The following MGAT4C variants were observed in gnomAD, a reference collection of about 807,000 sequenced individuals.
The protein encoded by MGAT4C is alpha-1,3-mannosyl-glycoprotein 4-beta-N-acetylglucosaminyltransferase C.
A neutral mutation model predicts 40.1 loss-of-function variants in MGAT4C; 19 were observed. That is an observed-to-expected ratio of 0.47 (90% CI 0.33 to 0.70). The LOEUF (loss-of-function observed/expected upper bound fraction) is 0.70. MGAT4C is among the 30% of genes least tolerant of loss of function. The pLI, the probability that MGAT4C is intolerant of heterozygous loss-of-function variation, is 0.02. For synonymous variants in MGAT4C, 181 were observed against 187.1 expected, an observed-to-expected ratio of 0.97 and a Z score of 0.27; for missense variants, 491 against 563.2, an observed-to-expected ratio of 0.87 and a Z score of 1.30.
At position 86,640,745 on chromosome 12, in the gene MGAT4C, T is replaced by C. The variant is rs1593070774; in HGVS notation, c.-229+86464A>G. 2.6e-5 allele frequency among the ~76,000 whole-genome samples: 4 copies of C among 152,140 alleles called. No homozygotes were observed. In the East Asian group the frequency reaches 7.8e-4, roughly 30 times the overall value. On this transcript the variant is annotated intron_variant, in intron 2 of 7. Transcript: ENST00000548651. ...GCTTTCTCTTGTGGGCATTCAGTGCTATAAATTTCCTTCTACACACTGCTT... is the reference window on the plus strand; with the variant it reads ...GCTTTCTCTTGTGGGCATTCAGTGCCATAAATTTCCTTCTACACACTGCTT...
At chr12:86,731,494 T>C (rs1392270283) in intron 1 of MGAT4C, among the ~76,000 whole-genome samples, 12 of 152,144 alleles carry the variant, frequency 7.9e-5, no homozygotes, top group Admixed American at 5.9e-4. Context: ...TGAATCATCT[T>C]AGTCTCTTTA....
At chr12:86,288,526 C>T (rs528023090) in intron 4 of MGAT4C, among the ~76,000 whole-genome samples, 10 of 152,040 alleles carry the variant, frequency 6.6e-5, no homozygotes, top group South Asian at 2.1e-4. Context: ...TTTTTGTATA[C>T]GGTGTAAGGA....
chr12:86,242,638 A>C (rs1951837893), intron 1 of MGAT4C, among the ~76,000 whole-genome samples: 1 of 152,126 alleles, frequency 6.6e-6, no homozygotes, highest in Non-Finnish European at 1.5e-5. Flanking sequence ...AGTACTTTAG[A>C]GTAGAAAAAA....
intron 3 of MGAT4C, among the ~76,000 whole-genome samples, chr12:86,413,155 T>C (rs1357496206): frequency 6.6e-6 from 1 of 152,122 alleles, no homozygotes; most frequent in Non-Finnish European, 1.5e-5. Flanking sequence ...GACTTTTGTA[T>C]ACTGAAAAAC....
chr12:86,073,422 C>CT (rs1476853346), intron 1 of MGAT4C, among the ~76,000 whole-genome samples: 1 of 152,118 alleles, frequency 6.6e-6, no homozygotes, highest in African/African-American at 2.4e-5. Flanking sequence ...GTGGAAGCAA[C>CT]TTTGGAACTG....
rs373301699 is a variant in MGAT4C, at chr12:86,766,064, C to T, written c.-261-38823G>A. Among the ~76,000 whole-genome samples, 15 of 152,242 alleles carry T rather than the reference C, an allele frequency of 9.9e-5. No individual in the cohort carries two copies. In the East Asian group the frequency reaches 2.1e-3, roughly 22 times the overall value. ...GACTAAATGCTCCAATTAAAAGACA[C>T]AGACTGGCAAATTGGATAAAGAGTC... On this transcript the variant is annotated intron_variant, in intron 1 of 7. Coordinates refer to the MGAT4C transcript ENST00000548651.
intron 1 of MGAT4C, among the ~76,000 whole-genome samples, chr12:86,111,838 A>G (rs1180450112): frequency 2.0e-5 from 3 of 151,846 alleles, no homozygotes; most frequent in Non-Finnish European, 4.4e-5. Flanking sequence ...CCACAAATGG[A>G]ATGCAAAATA....
chr12:85,958,766 A>G lies in MGAT4C; in HGVS notation c.*20523T>C, dbSNP rs2136638284. ...AAAATTAATAAAAAGATTAACTGTT[A>G]CTAAATTAAAGCTCCTTCAAAAACA... On this transcript the variant is annotated 3_prime_UTR_variant, in exon 5 of 5. Coordinates refer to ENST00000611864, the MANE Select transcript of MGAT4C (RefSeq NM_001351288.2). 1 of 152,198 alleles carries G rather than the reference A, an allele frequency of 6.6e-6. No homozygotes were observed. The highest frequency in any genetic ancestry group is 2.4e-5 in the African/African-American group (1 of 41,560). 9.4% of individuals were successfully genotyped at this position (152,198 alleles called of 1,614,324 possible).
intron 1 of MGAT4C, among the ~76,000 whole-genome samples, chr12:86,793,403 T>G (rs1404110229): frequency 6.6e-6 from 1 of 152,126 alleles, no homozygotes; most frequent in African/African-American, 2.4e-5. Flanking sequence ...ATTGTTGCCA[T>G]TAGTATTTTA....
chr12:86,475,897 A>C (rs535611687), intron 2 of MGAT4C, among the ~76,000 whole-genome samples: 1 of 152,128 alleles, frequency 6.6e-6, no homozygotes, highest in South Asian at 2.1e-4. Context: ...TTTACCGAGA[A>C]TTTCTGTGTT....
At chr12:86,412,174 A>T (rs1205262984) in intron 3 of MGAT4C, among the ~76,000 whole-genome samples, 1 of 152,212 alleles carries the variant, frequency 6.6e-6, no homozygotes, top group Non-Finnish European at 1.5e-5. Context: ...CAGAGGGAAA[A>T]CGTGGGGTTG....
intron 2 of MGAT4C, among the ~76,000 whole-genome samples, chr12:86,517,060 A>T (rs1001932768): frequency 6.6e-6 from 1 of 152,196 alleles, no homozygotes; most frequent in Non-Finnish European, 1.5e-5. Flanking sequence ...AAGGATGTGG[A>T]TAAATTATAA....
chr12:86,606,449 G>C (rs1962049838), intron 2 of MGAT4C, among the ~76,000 whole-genome samples: 1 of 152,048 alleles, frequency 6.6e-6, no homozygotes, highest in Non-Finnish European at 1.5e-5. Flanking sequence ...CAAAAATACA[G>C]ATTGCCATAT....
intron 4 of MGAT4C, among the ~76,000 whole-genome samples, chr12:86,290,948 C>T (rs1953495287): frequency 1.3e-5 from 2 of 152,004 alleles, no homozygotes; most frequent in Admixed American, 6.6e-5. Flanking sequence ...AATAAGGAAG[C>T]TCGGAAAAAG....
At chr12:86,249,438 C>G (rs184298278) in intron 1 of MGAT4C, among the ~76,000 whole-genome samples, 13 of 152,296 alleles carry the variant, frequency 8.5e-5, no homozygotes, top group Admixed American at 7.9e-4. Flanking sequence ...ATGTGTCAGA[C>G]TGCTTTAAAT....
intron 4 of MGAT4C, among the ~76,000 whole-genome samples, chr12:86,295,192 C>G (rs1457129799): frequency 2.0e-5 from 3 of 152,152 alleles, no homozygotes; most frequent in African/African-American, 7.2e-5. Flanking sequence ...AAATAGTATA[C>G]ATATTTCATT....
chr12:86,372,620 C>T (rs1266362822), intron 3 of MGAT4C, among the ~76,000 whole-genome samples: 3 of 151,678 alleles, frequency 2.0e-5, no homozygotes, highest in Non-Finnish European at 4.4e-5. Flanking sequence ...TATTCAGAAC[C>T]GGTAATTCCT....
chr12:86,043,720 GTTGTTTGCTTTCTC>G (rs1279685598), intron 2 of MGAT4C, among the ~76,000 whole-genome samples: 1 of 152,178 alleles, frequency 6.6e-6, no homozygotes, highest in Non-Finnish European at 1.5e-5. Context: ...TGGTTTTCAA[GTTGTTTGCTTTCTC>G]CCCCTCTCTT....
chr12:86,528,695 A>G (rs1052629258), intron 2 of MGAT4C, among the ~76,000 whole-genome samples: 2 of 152,244 alleles, frequency 1.3e-5, no homozygotes, highest in South Asian at 4.1e-4. Context: ...AAATATAATC[A>G]TAAGTCCTTC....
Sources: allele counts gnomAD v4.1 joint callset (sites outside exome capture counted in the v4.1 genomes callset), GRCh38; gene constraint gnomAD v4.1.1; transcripts MANE v1.5; gene names NCBI Gene and HGNC (gene_info 2026-07-23, HGNC 2026-07-21).